Variants in MYO3A observed in about 807,000 individuals in gnomAD.
MYO3A encodes myosin-IIIa.
MYO3A carries 180 observed loss-of-function variants against 192.7 expected under a neutral mutation model. That is an observed-to-expected ratio of 0.93 (90% CI 0.83 to 1.06). MYO3A has a LOEUF of 1.06. Among genes scored for constraint, MYO3A ranks in the 50% least tolerant of loss-of-function variants. The pLI is 0.00. For synonymous variants in MYO3A, 628 were observed against 645.3 expected (o/e 0.97, Z 0.41); for missense variants, 1,896 against 1,905.0 (o/e 1.00, Z 0.09).
rs147246090 is a variant in MYO3A at position 26,134,450 on chromosome 10, G to A, written c.2262+5912G>A. Among the ~76,000 whole-genome samples the A allele has an allele frequency of 8.2e-4, 123 of 150,248 alleles. 1 individual carries two copies. The highest frequency in any genetic ancestry group is 7.4e-3 in the East Asian group (38 of 5,158). On this transcript the variant is annotated intron_variant, in intron 20 of 34. Coordinates refer to ENST00000642920, the MANE Select transcript of MYO3A (RefSeq NM_017433.5). ...ATCTTATTTCATAACAAGAGTTCAC[G>A]TTTTTACAGGACAAGTATTATCACT...
At chr10:25,994,580 A>C (rs183387455) in intron 4 of MYO3A, among the ~76,000 whole-genome samples, 1 of 152,182 alleles carries the variant, frequency 6.6e-6, no homozygotes, top group African/African-American at 2.4e-5. Context: ...TTTGCTCATT[A>C]GTTGATGCAG....
chr10:26,134,207 G>T (rs1254108145), intron 20 of MYO3A, among the ~76,000 whole-genome samples: 2 of 152,026 alleles, frequency 1.3e-5, no homozygotes, highest in African/African-American at 2.4e-5. Context: ...TTAGTAAAAT[G>T]GATGTAAAAT....
intron 10 of MYO3A, among the ~76,000 whole-genome samples, chr10:26,049,422 T>G (rs1374499678): frequency 1.3e-5 from 2 of 151,912 alleles, no homozygotes; most frequent in Non-Finnish European, 2.9e-5. Context: ...GGGCAATAGC[T>G]GGAAAGGATA....
intron 34 of MYO3A, among the ~76,000 whole-genome samples, chr10:26,211,455 T>C (rs1027393811): frequency 6.6e-6 from 1 of 152,196 alleles, no homozygotes; most frequent in African/African-American, 2.4e-5. Flanking sequence ...ATATTGAGTG[T>C]CTATTTGGGC....
chr10:25,995,987 A>T (rs1436900177), intron 4 of MYO3A, among the ~76,000 whole-genome samples: 1 of 152,218 alleles, frequency 6.6e-6, no homozygotes, highest in East Asian at 1.9e-4. Context: ...CCGTTCTCAG[A>T]TCTTAAACTC....
rs143371522 is a variant in MYO3A at position 26,157,365 on chromosome 10, G to A, written c.2849G>A (p.Arg950His). Residue 950 changes from arginine (R) to histidine (H), a missense_variant, in exon 26 of 35, where the codon CGT becomes CAT. Physicochemically the swap from Arg to His is conservative, Grantham distance 29. Coordinates refer to ENST00000642920, the MANE Select transcript of MYO3A (RefSeq NM_017433.5). ...GTGGTGGGCCAACCTCATTTTGTCC[G>A]TTGCATCAAACCAAATAGTGAGCGT... The part of the protein sequence containing the change: ...KMVVGQPHFV[R>H]CIKPNSERQA... 5.7e-5 allele frequency: 92 copies of A among 1,614,074 alleles called. No individual in the cohort carries two copies. Among genetic ancestry groups the A allele is most frequent in the African/African-American group, 9.3e-5 (7 of 75,008 alleles).
At chr10:26,133,596 G>T (rs951579219) in intron 20 of MYO3A, among the ~76,000 whole-genome samples, 2 of 151,962 alleles carry the variant, frequency 1.3e-5, no homozygotes, top group African/African-American at 4.8e-5. Context: ...AATTTAAAAG[G>T]TTTTTTTTCT....
intron 6 of MYO3A, among the ~76,000 whole-genome samples, chr10:26,003,750 G>A (rs766958606): frequency 1.1e-4 from 17 of 151,958 alleles, no homozygotes; most frequent in Non-Finnish European, 1.9e-4. Context: ...TTATTTCTGC[G>A]GATTTCTCTC....
chr10:26,166,325 A>T (rs1294050152), intron 27 of MYO3A, 147 bp downstream of exon 27: 1 of 742,378 alleles, frequency 1.3e-6, no homozygotes, highest in East Asian at 2.7e-5. Flanking sequence ...ATAAACTCAT[A>T]AAGATTTTCT....
At chr10:26,069,443 TG>T (rs1383729900) in intron 12 of MYO3A, among the ~76,000 whole-genome samples, 2 of 152,084 alleles carry the variant, frequency 1.3e-5, no homozygotes, top group African/African-American at 4.8e-5. Context: ...TAAACAAGGT[TG>T]TTTTTCATTT....
At chr10:26,040,505 C>G (rs1223079947) in intron 10 of MYO3A, among the ~76,000 whole-genome samples, 1 of 152,042 alleles carries the variant, frequency 6.6e-6, no homozygotes, top group East Asian at 1.9e-4. Context: ...GTACCACTAC[C>G]AAAACCAGAA....
intron 34 of MYO3A, among the ~76,000 whole-genome samples, chr10:26,206,356 C>T (rs572176230): frequency 6.8e-6 from 1 of 147,376 alleles, no homozygotes; most frequent in South Asian, 2.2e-4. Context: ...CCACAGCGCC[C>T]AGCCCAGGTA....
intron 31 of MYO3A, among the ~76,000 whole-genome samples, chr10:26,187,896 G>A (rs1184711825): frequency 6.6e-6 from 1 of 151,912 alleles, no homozygotes; most frequent in Non-Finnish European, 1.5e-5. Flanking sequence ...TATCATTGTT[G>A]GACATTTGGG....
chr10:25,994,396 C>T (rs1840279990), intron 4 of MYO3A, among the ~76,000 whole-genome samples: 1 of 152,136 alleles, frequency 6.6e-6, no homozygotes. Context: ...TTATTTTGAG[C>T]CTACGTGCGT....
intron 31 of MYO3A, among the ~76,000 whole-genome samples, chr10:26,192,591 G>A (rs1843195146): frequency 2.0e-5 from 3 of 151,334 alleles, no homozygotes; most frequent in Non-Finnish European, 4.4e-5. Flanking sequence ...AATTCCACGT[G>A]ACCAAACTAT....
intron 2 of MYO3A, among the ~76,000 whole-genome samples, chr10:25,949,103 T>C (rs1030634836): frequency 4.6e-5 from 7 of 152,140 alleles, no homozygotes; most frequent in Non-Finnish European, 1.0e-4. Flanking sequence ...CCTGGGCTAT[T>C]ACAGCACTTT....
At chr10:26,193,887 T>C (rs1843272479) in intron 32 of MYO3A, among the ~76,000 whole-genome samples, 1 of 152,174 alleles carries the variant, frequency 6.6e-6, no homozygotes, top group African/African-American at 2.4e-5. Context: ...ACCCCTCAGC[T>C]CCTGCTCACT....
At chr10:26,147,690 T>G in intron 23 of MYO3A, 131 bp downstream of exon 23, 1 of 1,312,640 alleles carries the variant, frequency 7.6e-7, no homozygotes, top group Non-Finnish European at 1.1e-6. Context: ...ATTCATTTGT[T>G]AATATCCTCT....
At chr10:26,081,963 T>C (rs1835988347) in intron 14 of MYO3A, among the ~76,000 whole-genome samples, 2 of 152,190 alleles carry the variant, frequency 1.3e-5, no homozygotes, top group African/African-American at 4.8e-5. Flanking sequence ...CTTTAGAGGA[T>C]CTATGGGTCC....
Sources: gnomAD v4.1 joint callset for allele counts (sites outside exome capture counted in the v4.1 genomes callset) on GRCh38, gnomAD v4.1.1 for gene constraint, MANE v1.5 for transcripts, NCBI Gene and HGNC (gene_info 2026-07-23, HGNC 2026-07-21) for gene names.